GABRA3: variants seen among roughly 807,000 people sequenced by gnomAD.
GABRA3 encodes the protein gamma-aminobutyric acid receptor subunit alpha-3.
A neutral mutation model predicts 30.1 loss-of-function variants in GABRA3; 10 were observed. The ratio of observed to expected loss-of-function variants is 0.33; its 90% CI spans 0.20 to 0.56. GABRA3 has a LOEUF of 0.56. Among genes scored for constraint, GABRA3 ranks in the 20% least tolerant of loss-of-function variants. GABRA3 has a pLI of 0.89. For synonymous variants in GABRA3, 151 were observed against 146.8 expected (o/e 1.03, Z -0.21); for missense variants, 233 against 392.0 (o/e 0.59, Z 3.42).
intron 3 of GABRA3, among the ~76,000 whole-genome samples, chrX:152,289,104 T>C (rs1939348565): frequency 9.2e-6 from 1 of 108,738 alleles, no homozygotes; most frequent in Non-Finnish European, 1.9e-5. Context: ...TTGCTGCTAA[T>C]CTGAAAGAAT....
chrX:152,326,535 G>C (rs1940061730), intron 3 of GABRA3, among the ~76,000 whole-genome samples: 1 of 111,866 alleles, frequency 8.9e-6, no homozygotes, highest in Non-Finnish European at 1.9e-5. Flanking sequence ...CCAGAAGAGA[G>C]TGGGGGCCGA....
At chrX:152,424,338 A>C (rs1324448300) in intron 1 of GABRA3, among the ~76,000 whole-genome samples, 1 of 109,311 alleles carries the variant, frequency 9.1e-6, no homozygotes, top group Non-Finnish European at 1.9e-5. Flanking sequence ...CACATTGTTC[A>C]CCACAACACT....
In GABRA3 at chrX:152,315,973, C is replaced by T. The variant is rs1201474635; in HGVS notation, c.262+29608G>A. On this transcript the variant is annotated intron_variant, in intron 3 of 9. Transcript: ENST00000370314. ...GGGAGTTTTAGGCCCGCCCCCCGAC[C>T]CCCCCCCCCCCCACCACATGATCCT... is the stretch of plus-strand genomic sequence containing the variant. Among the ~76,000 whole-genome samples the T allele has an allele frequency of 5.0e-4, 5 of 10,003 alleles. 1 individual carries two copies. Among genetic ancestry groups the T allele is most frequent in the Admixed American group, 1.7e-3 (2 of 1,168 alleles). The allele number at this position is 10,003 out of a possible 115,157, so 8.7% of individuals were successfully genotyped here.
At chrX:152,329,591 T>C (rs1366973709) in intron 3 of GABRA3, among the ~76,000 whole-genome samples, 1 of 111,618 alleles carries the variant, frequency 9.0e-6, no homozygotes. Flanking sequence ...AAACAAGAAA[T>C]GGGGAAAGGA....
intron 1 of GABRA3, among the ~76,000 whole-genome samples, chrX:152,449,916 A>C (rs1215935698): frequency 1.8e-5 from 2 of 112,182 alleles, no homozygotes; most frequent in Non-Finnish European, 3.8e-5. Flanking sequence ...ATTCTGCTAC[A>C]GTAATTTAAT....
intron 1 of GABRA3, among the ~76,000 whole-genome samples, chrX:152,421,176 G>A (rs1930365110): frequency 9.2e-6 from 1 of 109,125 alleles, no homozygotes; most frequent in Non-Finnish European, 1.9e-5. Flanking sequence ...TCGTTATATA[G>A]GTACAGTAAG....
At chrX:152,394,765 T>C (rs1192329397) in intron 1 of GABRA3, among the ~76,000 whole-genome samples, 1 of 111,552 alleles carries the variant, frequency 9.0e-6, no homozygotes, top group Non-Finnish European at 1.9e-5. Context: ...GGTCAATTCA[T>C]ACATGAAAAA....
At chrX:152,296,626 A>G (rs1939532729) in intron 3 of GABRA3, among the ~76,000 whole-genome samples, 1 of 111,018 alleles carries the variant, frequency 9.0e-6, no homozygotes, top group Admixed American at 9.6e-5. Context: ...TTGCTTGCAT[A>G]TGCTATTCCC....
At chrX:152,446,016 G>C (rs1931078195) in intron 1 of GABRA3, among the ~76,000 whole-genome samples, 1 of 112,186 alleles carries the variant, frequency 8.9e-6, no homozygotes, top group Non-Finnish European at 1.9e-5. Context: ...ATATAACCTA[G>C]TTTTTAAGTA....
At chrX:152,362,338 T>C (rs1239089021) in intron 2 of GABRA3, among the ~76,000 whole-genome samples, 1 of 111,364 alleles carries the variant, frequency 9.0e-6, no homozygotes, top group Non-Finnish European at 1.9e-5. Context: ...AGGTCATTTC[T>C]AGTAATGATA....
intron 6 of GABRA3, among the ~76,000 whole-genome samples, chrX:152,208,520 T>C (rs777624393): frequency 6.3e-5 from 7 of 111,534 alleles, no homozygotes; most frequent in Non-Finnish European, 1.1e-4. Context: ...ACAGGAGCCA[T>C]AGAGGTTGAC....
chrX:152,407,898 A>G (rs775291199), intron 1 of GABRA3, among the ~76,000 whole-genome samples: 1 of 111,868 alleles, frequency 8.9e-6, no homozygotes, highest in African/African-American at 3.2e-5. Context: ...TGAGTCAGGA[A>G]TAAAAGGATG....
At chrX:152,390,754 A>G (rs187153221) in intron 1 of GABRA3, among the ~76,000 whole-genome samples, 1 of 111,837 alleles carries the variant, frequency 8.9e-6, no homozygotes, top group African/African-American at 3.2e-5. Context: ...TATAATAACG[A>G]TGATAACGAT....
At chrX:152,287,635 G>A (rs760292488) in intron 3 of GABRA3, among the ~76,000 whole-genome samples, 3 of 111,240 alleles carry the variant, frequency 2.7e-5, no homozygotes, top group Non-Finnish European at 5.7e-5. Context: ...GCGTAAGAAC[G>A]GATGAATACA....
intron 7 of GABRA3, among the ~76,000 whole-genome samples, chrX:152,206,517 G>C (rs749970519): frequency 2.3e-4 from 26 of 112,035 alleles, no homozygotes; most frequent in Non-Finnish European, 3.8e-5. Flanking sequence ...TGTGCAGCCA[G>C]TGCAGGAAAA....
chrX:152,220,211 G>A (rs1421687012), intron 6 of GABRA3, among the ~76,000 whole-genome samples: 1 of 111,527 alleles, frequency 9.0e-6, no homozygotes, highest in Non-Finnish European at 1.9e-5. Context: ...TGCTTAATCT[G>A]TCAGGAATCT....
intron 8 of GABRA3, among the ~76,000 whole-genome samples, chrX:152,197,377 C>T (rs1896911086): frequency 9.0e-6 from 1 of 111,465 alleles, no homozygotes; most frequent in Non-Finnish European, 1.9e-5. Context: ...AAGGATAATT[C>T]CCTCTCCAGC....
chrX:152,200,002 C>G (rs1195310959), intron 7 of GABRA3, among the ~76,000 whole-genome samples: 1 of 111,964 alleles, frequency 8.9e-6, no homozygotes, highest in Admixed American at 9.5e-5. Context: ...TAATAGCTTT[C>G]TAACTGGTCT....
intron 3 of GABRA3, among the ~76,000 whole-genome samples, chrX:152,337,250 A>C (rs1486898096): frequency 8.9e-6 from 1 of 111,736 alleles, no homozygotes; most frequent in African/African-American, 3.3e-5. Flanking sequence ...CTTGAAATAG[A>C]AATACATCAT....
Sources: gnomAD v4.1 joint callset for allele counts (sites outside exome capture counted in the v4.1 genomes callset) on GRCh38, gnomAD v4.1.1 for gene constraint, MANE v1.5 for transcripts, NCBI Gene and HGNC (gene_info 2026-07-23, HGNC 2026-07-21) for gene names.